Variants in VSTM4 observed in about 807,000 individuals in gnomAD.
The protein encoded by VSTM4 is V-set and transmembrane domain-containing protein 4.
A neutral mutation model predicts 36.4 loss-of-function variants in VSTM4; 20 were observed. That is an observed-to-expected ratio of 0.55 (90% CI 0.39 to 0.80). The LOEUF is 0.80. Among genes scored for constraint, VSTM4 ranks in the 30% least tolerant of loss-of-function variants. The pLI, the probability that VSTM4 is intolerant of heterozygous loss-of-function variation, is 0.00. For missense variants in VSTM4, 392 were observed against 404.5 expected, an observed-to-expected ratio of 0.97 and a Z score of 0.26; for synonymous variants, 182 against 173.9, an observed-to-expected ratio of 1.05 and a Z score of -0.37.
intron 6 of VSTM4, among the ~76,000 whole-genome samples, chr10:49,047,489 G>A (rs1364957847): frequency 1.3e-5 from 2 of 152,138 alleles, no homozygotes; most frequent in Non-Finnish European, 2.9e-5. Context: ...CCCTTCCCAC[G>A]GTGTCATGTC....
chr10:49,030,614 C>T (rs1316930909), intron 7 of VSTM4, among the ~76,000 whole-genome samples: 9 of 152,136 alleles, frequency 5.9e-5, no homozygotes, highest in South Asian at 2.1e-4. Context: ...TTGGGTTGGA[C>T]GAACTCACTC....
intron 2 of VSTM4, among the ~76,000 whole-genome samples, chr10:49,107,393 T>C (rs1179306157): frequency 6.6e-6 from 1 of 152,238 alleles, no homozygotes; most frequent in Non-Finnish European, 1.5e-5. Context: ...CACTTCTGTG[T>C]CTACACAGCA....
At chr10:49,069,114 G>C (rs918284074) in intron 4 of VSTM4, among the ~76,000 whole-genome samples, 4 of 152,082 alleles carry the variant, frequency 2.6e-5, no homozygotes, top group East Asian at 3.9e-4. Context: ...CAGCCTGAAG[G>C]CTCTGTCTTC....
intron 7 of VSTM4, among the ~76,000 whole-genome samples, chr10:49,027,471 A>G (rs1048096398): frequency 1.5e-4 from 23 of 152,196 alleles, no homozygotes; most frequent in Admixed American, 4.6e-4. Flanking sequence ...TTTAAATGAC[A>G]TGGGGTAAAA....
At chr10:49,064,575 A>C in intron 5 of VSTM4, 128 bp downstream of exon 5, 2 of 1,056,406 alleles carry the variant, frequency 1.9e-6, no homozygotes, top group Admixed American at 4.4e-5. Flanking sequence ...ACACATTTGC[A>C]GGCATATTTG....
chr10:49,081,553 T>A (rs1056433429), intron 3 of VSTM4, among the ~76,000 whole-genome samples: 1 of 152,178 alleles, frequency 6.6e-6, no homozygotes, highest in Non-Finnish European at 1.5e-5. Flanking sequence ...GCTGCAGACA[T>A]TTGGGGCACA....
intron 1 of VSTM4, among the ~76,000 whole-genome samples, chr10:49,114,583 A>AT (rs1244626473): frequency 9.4e-6 from 1 of 106,564 alleles, no homozygotes; most frequent in Non-Finnish European, 1.8e-5. Context: ...AACCAAGTTC[A>AT]TGTTTTTTTT....
At chr10:49,036,735 CG>C (rs1843436685) in intron 7 of VSTM4, among the ~76,000 whole-genome samples, 2 of 152,130 alleles carry the variant, frequency 1.3e-5, no homozygotes, top group African/African-American at 4.8e-5. Flanking sequence ...AAACTAGGGC[CG>C]GGGGAAGAAA....
chr10:49,106,298 ATT>A (rs1844781421), intron 2 of VSTM4, among the ~76,000 whole-genome samples: 1 of 152,072 alleles, frequency 6.6e-6, no homozygotes, highest in Non-Finnish European at 1.5e-5. Context: ...CCTTTTTTGT[ATT>A]TGAGACTATC....
At chr10:49,051,040 G>A (rs764413191) in intron 5 of VSTM4, among the ~76,000 whole-genome samples, 4 of 152,122 alleles carry the variant, frequency 2.6e-5, no homozygotes, top group Admixed American at 6.5e-5. Flanking sequence ...CTGAGGAACC[G>A]ACATTAGACA....
chr10:49,082,457 A>G (rs534416968), intron 3 of VSTM4, among the ~76,000 whole-genome samples: 228 of 152,330 alleles, frequency 1.5e-3, no homozygotes, highest in African/African-American at 5.1e-3. Context: ...TGAGGTCGGG[A>G]GTTCGAAACC....
chr10:49,097,126 G>A (rs929979307), intron 2 of VSTM4, among the ~76,000 whole-genome samples: 2 of 152,150 alleles, frequency 1.3e-5, no homozygotes, highest in African/African-American at 4.8e-5. Context: ...CTGTCTCAAC[G>A]CTTTCCACGG....
intron 2 of VSTM4, 32 bp downstream of exon 2, chr10:49,107,562 C>A: frequency 6.4e-7 from 1 of 1,567,468 alleles, no homozygotes; most frequent in Non-Finnish European, 8.7e-7. Context: ...TGCCCCACCA[C>A]CACCTCTACC....
At chr10:49,029,447 C>T (rs1843312254) in intron 7 of VSTM4, among the ~76,000 whole-genome samples, 1 of 152,194 alleles carries the variant, frequency 6.6e-6, no homozygotes, top group Non-Finnish European at 1.5e-5. Flanking sequence ...TTCACCATCT[C>T]GCTCCATCCT....
rs1321535663 is a variant in VSTM4, at chr10:49,017,063, C to G, written c.*2587G>C. 6.6e-6 allele frequency: 1 copy of G among 152,174 alleles called. No individual in the cohort carries two copies. Among genetic ancestry groups the G allele is most frequent in the Non-Finnish European group, 1.5e-5 (1 of 68,038 alleles). The allele number at this position is 152,174 out of a possible 1,614,324, so 9.4% of individuals were successfully genotyped here. A position where few individuals can be genotyped will look rare whatever the true frequency, so the allele number is the denominator to read the frequency against. On this transcript the variant is annotated 3_prime_UTR_variant, in exon 8 of 8. Coordinates refer to ENST00000332853, the MANE Select transcript of VSTM4 (RefSeq NM_001031746.5). ...TCATATGTAGTTTCTGCCATTGATG[C>G]CTTATAGTGAAAACAAATTGACAAA...
chr10:49,069,747 C>G (rs1437020609), intron 4 of VSTM4, among the ~76,000 whole-genome samples: 2 of 152,204 alleles, frequency 1.3e-5, no homozygotes, highest in African/African-American at 4.8e-5. Context: ...AGTCCTCCAC[C>G]TCCTGCCCCT....
At chr10:49,041,379 A>C (rs1843518921) in intron 7 of VSTM4, among the ~76,000 whole-genome samples, 1 of 152,234 alleles carries the variant, frequency 6.6e-6, no homozygotes, top group African/African-American at 2.4e-5. Context: ...CCTGTTATTT[A>C]AAGAACTATT....
chr10:49,075,523 T>G (rs576383410), intron 4 of VSTM4, among the ~76,000 whole-genome samples: 1 of 152,370 alleles, frequency 6.6e-6, no homozygotes, highest in Admixed American at 6.5e-5. Context: ...AAGGCACAAG[T>G]GCAATGTGCC....
intron 2 of VSTM4, chr10:49,103,892 T>A: frequency 6.2e-7 from 1 of 1,604,862 alleles, no homozygotes; most frequent in Non-Finnish European, 8.5e-7. Context: ...CATGAGCAGG[T>A]TAGACAAGAG....
Sources: allele counts gnomAD v4.1 joint callset (sites outside exome capture counted in the v4.1 genomes callset), GRCh38; gene constraint gnomAD v4.1.1; transcripts MANE v1.5; gene names NCBI Gene and HGNC (gene_info 2026-07-23, HGNC 2026-07-21).